USH2A: variants seen among roughly 807,000 people sequenced by gnomAD.
The protein encoded by USH2A is Usher syndrome 2A (autosomal recessive, mild).
A neutral mutation model predicts 538.9 loss-of-function variants in USH2A; 443 were observed. The ratio of observed to expected loss-of-function variants is 0.82; its 90% CI spans 0.76 to 0.89. The LOEUF (loss-of-function observed/expected upper bound fraction) is 0.89, where lower values mean the gene tolerates loss of function less well. Among genes scored for constraint, USH2A ranks in the 40% least tolerant of loss-of-function variants. The pLI is 0.00. For synonymous variants in USH2A, 2,413 were observed against 2,273.5 expected (o/e 1.06, Z -1.75); for missense variants, 6,633 against 6,324.8 (o/e 1.05, Z -1.65).
chr1:216,234,736 A>C (rs1268626375), intron 13 of USH2A, among the ~76,000 whole-genome samples: 1 of 152,140 alleles, frequency 6.6e-6, no homozygotes, highest in Non-Finnish European at 1.5e-5. Flanking sequence ...TGGAAAAATT[A>C]AGGGTGATTT....
chr1:215,827,748 A>G (rs922724782), intron 47 of USH2A, among the ~76,000 whole-genome samples: 9 of 152,166 alleles, frequency 5.9e-5, no homozygotes, highest in Admixed American at 2.0e-4. Flanking sequence ...AAAATAGTCT[A>G]CAATTGCCCA....
intron 70 of USH2A, among the ~76,000 whole-genome samples, chr1:215,632,727 T>A (rs896323923): frequency 6.6e-6 from 1 of 152,202 alleles, no homozygotes; most frequent in South Asian, 2.1e-4. Context: ...TCCTGCCTTC[T>A]TTTCTCTCTT....
rs762746080 is a variant in USH2A, at chr1:215,647,719, T to C, written c.14594A>G (p.Gln4865Arg). The change falls in exon 67 of 72, where the codon CAA (glutamine) becomes CGA (arginine). Residue 4865 changes from glutamine (Q) to arginine (R), a missense_variant. Physicochemically the swap from Gln to Arg is conservative, Grantham distance 43 (BLOSUM62 1). Coordinates refer to ENST00000307340, the MANE Select transcript of USH2A (RefSeq NM_206933.4). ...PNGVIHSYEL[Q>R]FHVACPPDSA... ...GTCAGGAGGGCAAGCCACGTGGAAT[T>C]GGAGTTCATAGCTAAAATGAGAATG... is the stretch of plus-strand genomic sequence containing the variant. 1.2e-6 allele frequency: 2 copies of C among 1,614,052 alleles called. No homozygotes were observed. Among genetic ancestry groups the C allele is most frequent in the Non-Finnish European group, 1.7e-6 (2 of 1,180,038 alleles).
intron 32 of USH2A, among the ~76,000 whole-genome samples, chr1:216,018,098 T>C (rs1045454380): frequency 1.3e-5 from 2 of 152,212 alleles, no homozygotes; most frequent in Non-Finnish European, 2.9e-5. Context: ...ACTACTATTA[T>C]AACATTTAAT....
intron 61 of USH2A, among the ~76,000 whole-genome samples, chr1:215,699,329 A>T (rs1322695849): frequency 3.3e-5 from 5 of 152,178 alleles, no homozygotes; most frequent in African/African-American, 1.2e-4. Context: ...TATGAAATTT[A>T]AAGTAATTTT....
chr1:216,121,758 A>G (rs1350033358), intron 21 of USH2A, among the ~76,000 whole-genome samples: 7 of 152,318 alleles, frequency 4.6e-5, no homozygotes, highest in Admixed American at 3.9e-4. Flanking sequence ...AGCCCAATGA[A>G]CAATCAGTTA....
chr1:215,674,428 G>T lies in USH2A; in HGVS notation c.13483C>A (p.Arg4495Ser). The change falls in exon 63 of 72, where the codon CGT becomes AGT. Residue 4495 changes from arginine to serine, a missense_variant. Arg to Ser is a moderately radical substitution (Grantham distance 110). Transcript: ENST00000307340. ...IVYTGLETRY[R>S]DFTLTPGVEY... The stretch of plus-strand genomic sequence containing the variant: ...ACACCTGGGGTGAGAGTAAAATCAC[G>T]ATAGCGTGTTTCCAAGCCTGTATAT... 6.2e-7 allele frequency: 1 copy of T among 1,614,130 alleles called. No homozygotes were observed. Among genetic ancestry groups the T allele is most frequent in the Non-Finnish European group, 8.5e-7 (1 of 1,180,024 alleles).
intron 21 of USH2A, chr1:216,174,975 T>G: frequency 1.6e-6 from 2 of 1,260,408 alleles, no homozygotes; most frequent in South Asian, 1.7e-5. Context: ...TGGCACATAC[T>G]TCACAAAAAG....
rs749438744 is a variant in USH2A at position 215,790,081 on chromosome 1, A to T, written c.10160T>A (p.Ile3387Asn). ...TACCTTCATCATCATTCCAGTTGAA[A>T]TCTTGTCAGAGCAAACATATTTCAA... ...NPLKYVCSDK[I>N]STGMMMKETK... The change falls in exon 51 of 72, where the codon ATT becomes AAT. Residue 3387 changes from isoleucine to asparagine, a missense_variant. Ile to Asn is a moderately radical substitution (Grantham distance 149, BLOSUM62 -3). Coordinates refer to ENST00000307340, the MANE Select transcript of USH2A (RefSeq NM_206933.4). 1 of 1,613,494 alleles carries T rather than the reference A, an allele frequency of 6.2e-7. No individual in the cohort carries two copies. The highest frequency in any genetic ancestry group is 1.7e-5 in the Admixed American group (1 of 59,924).
chr1:215,675,246 G>A lies in USH2A; in HGVS notation c.12665C>T (p.Thr4222Ile), dbSNP rs1046570889. The A allele has an allele frequency of 1.9e-6, 3 of 1,614,110 alleles. No individual in the cohort carries two copies. Among genetic ancestry groups the A allele is most frequent in the South Asian group, 1.1e-5 (1 of 91,078 alleles). Reference protein sequence around the residue: ...VFTEYNTERNTFMYNDTGLQP... With the variant: ...VFTEYNTERNIFMYNDTGLQP... The stretch of plus-strand genomic sequence containing the variant: ...CAAACCTGTGTCATTATACATAAAT[G>A]TATTCCTTTCAGTGTTATATTCTGT... Residue 4222 changes from threonine (T) to isoleucine (I), a missense_variant, in exon 63 of 72, where the codon ACA becomes ATA. Thr to Ile is a moderately conservative substitution (Grantham distance 89, BLOSUM62 -1). Transcript: ENST00000307340.
intron 38 of USH2A, among the ~76,000 whole-genome samples, chr1:215,927,649 T>G (rs1260167730): frequency 6.6e-6 from 1 of 152,080 alleles, no homozygotes; most frequent in Non-Finnish European, 1.5e-5. Flanking sequence ...AGCAAAGAAC[T>G]GAAAACTATT....
At chr1:215,764,756 T>G (rs1571663199) in intron 56 of USH2A, among the ~76,000 whole-genome samples, 1 of 152,294 alleles carries the variant, frequency 6.6e-6, no homozygotes, top group South Asian at 2.1e-4. Context: ...GTGGTATACT[T>G]GTTTTCACTT....
intron 21 of USH2A, among the ~76,000 whole-genome samples, chr1:216,166,017 G>A (rs576415249): frequency 4.6e-5 from 7 of 151,952 alleles, no homozygotes; most frequent in African/African-American, 1.4e-4. Flanking sequence ...ATGCCTTTGC[G>A]TCCTCATAGC....
At chr1:216,293,457 C>T (rs2037046691) in intron 9 of USH2A, among the ~76,000 whole-genome samples, 1 of 152,160 alleles carries the variant, frequency 6.6e-6, no homozygotes, top group Non-Finnish European at 1.5e-5. Flanking sequence ...GTTTGGGTGT[C>T]ACTTCCTCCA....
intron 55 of USH2A, 95 bp downstream of exon 55, chr1:215,779,748 C>G: frequency 4.1e-6 from 6 of 1,454,800 alleles, no homozygotes; most frequent in Non-Finnish European, 5.7e-6. Flanking sequence ...TCGAAGTGAC[C>G]TCATATATCA....
intron 10 of USH2A, among the ~76,000 whole-genome samples, chr1:216,291,826 G>A (rs1300407339): frequency 6.6e-6 from 1 of 152,146 alleles, no homozygotes; most frequent in African/African-American, 2.4e-5. Context: ...GGGACAAAAG[G>A]AAACTTACTT....
At chr1:216,374,116 G>C (rs1412799090) in intron 3 of USH2A, among the ~76,000 whole-genome samples, 1 of 111,582 alleles carries the variant, frequency 9.0e-6, no homozygotes, top group African/African-American at 3.4e-5. Context: ...GGTGGGGGGA[G>C]GGGGGAGGGA....
intron 62 of USH2A, 116 bp from the exon 63 acceptor site, chr1:215,675,732 GA>G: frequency 6.4e-7 from 1 of 1,565,444 alleles, no homozygotes; most frequent in Non-Finnish European, 8.7e-7. Context: ...CCCTAATTTA[GA>G]AGAAGTATTC....
intron 32 of USH2A, among the ~76,000 whole-genome samples, chr1:216,015,522 C>T (rs1668688031): frequency 6.6e-6 from 1 of 152,194 alleles, no homozygotes; most frequent in South Asian, 2.1e-4. Context: ...GAGCAATTAA[C>T]CATCACTGAG....
Sources: gnomAD v4.1 joint callset for allele counts (sites outside exome capture counted in the v4.1 genomes callset) on GRCh38, gnomAD v4.1.1 for gene constraint, MANE v1.5 for transcripts, NCBI Gene and HGNC (gene_info 2026-07-23, HGNC 2026-07-21) for gene names.